HPN: variants seen among roughly 807,000 people sequenced by gnomAD.
HPN encodes serine protease hepsin.
Under a neutral mutation model 55.9 loss-of-function variants are expected in HPN, and 13 were observed. The ratio of observed to expected loss-of-function variants is 0.23; its 90% CI spans 0.15 to 0.37. The LOEUF is 0.37. Ranked by LOEUF, HPN falls within the 10% of genes least tolerant of loss-of-function variation. HPN has a pLI of 1.00. For missense variants in HPN, 451 were observed against 575.8 expected (o/e 0.78, Z 2.22); for synonymous variants, 225 against 240.3 (o/e 0.94, Z 0.59).
In HPN at chr19:35,065,854, C is replaced by G. The variant is rs1444379459; in HGVS notation, c.1051-14C>G. Reference sequence around the variant, plus strand: ...CACTTTGGCCTTCAGCCAGACCTCCCTCTCCCCTCCCAGGGCGACAGCGGT... The same window carrying G: ...CACTTTGGCCTTCAGCCAGACCTCCGTCTCCCCTCCCAGGGCGACAGCGGT... On this transcript the variant is annotated splice_polypyrimidine_tract_variant and intron_variant, in intron 11 of 12. Transcript: ENST00000672452. 11 of 1,613,546 alleles carry G rather than the reference C, an allele frequency of 6.8e-6. No individual in the cohort carries two copies. Among genetic ancestry groups the G allele is most frequent in the Admixed American group, 5.0e-5 (3 of 60,024 alleles).
chr19:35,047,123 C>T (rs2064349943), intron 2 of HPN, among the ~76,000 whole-genome samples: 1 of 152,340 alleles, frequency 6.6e-6, no homozygotes, highest in South Asian at 2.1e-4. Context: ...CCACCGAGCC[C>T]GGCTAGGAGT....
intron 9 of HPN, among the ~76,000 whole-genome samples, chr19:35,064,866 G>C (rs1164456091): frequency 1.3e-5 from 2 of 152,050 alleles, no homozygotes; most frequent in Non-Finnish European, 2.9e-5. Flanking sequence ...CTGTCGCCCA[G>C]GCTGGAGTGC....
rs1217610908 is a variant in HPN at position 35,060,640 on chromosome 19, C to G, written c.634C>G (p.Leu212Val). The G allele has an allele frequency of 6.2e-6, 10 of 1,614,010 alleles. No individual in the cohort carries two copies. Among genetic ancestry groups the G allele is most frequent in the Non-Finnish European group, 7.6e-6 (9 of 1,180,050 alleles). Residue 212 changes from leucine to valine, a missense_variant, in exon 9 of 13, where the codon CTG (leucine) becomes GTG (valine). Physicochemically the swap from Leu to Val is conservative, Grantham distance 32. This residue lies in a region of HPN where 378 missense variants were observed against 445.5 expected (regional missense o/e 0.85). Transcript: ENST00000672452. ...AHCFPERNRV[L>V]SRWRVFAGAV... Reference sequence around the variant, plus strand: ...TTTCCCTGGTAGGCGGAACCGGGTCCTGTCCCGATGGCGAGTGTTTGCCGG... The same window carrying G: ...TTTCCCTGGTAGGCGGAACCGGGTCGTGTCCCGATGGCGAGTGTTTGCCGG...
chr19:35,045,109 T>C (rs1488494133), intron 2 of HPN, among the ~76,000 whole-genome samples: 1 of 151,766 alleles, frequency 6.6e-6, no homozygotes, highest in Non-Finnish European at 1.5e-5. Context: ...CAGGGAAAGG[T>C]ATTTAAAAGG....
intron 1 of HPN, 183 bp from the exon 2 acceptor site, chr19:35,042,270 C>T (rs1468205858): frequency 1.2e-5 from 17 of 1,360,132 alleles, no homozygotes; most frequent in East Asian, 6.1e-5. Context: ...GGCGTCCCCC[C>T]GCTGCTGGTC....
chr19:35,044,301 A>G (rs2064320963), intron 2 of HPN, among the ~76,000 whole-genome samples: 1 of 152,030 alleles, frequency 6.6e-6, no homozygotes, highest in Non-Finnish European at 1.5e-5. Flanking sequence ...AGGAGGTGAT[A>G]CTGGAGTTGC....
At position 35,066,330 on chromosome 19, in the gene HPN, C is replaced by G; in HGVS notation, c.*43C>G. 1.3e-6 allele frequency: 2 copies of G among 1,591,656 alleles called. No individual in the cohort carries two copies. Among genetic ancestry groups the G allele is most frequent in the South Asian group, 1.1e-5 (1 of 88,336 alleles). ...CGCAGCCTCCAGGGCCCGAGGTGAT[C>G]CCGGTGGTGGGATCCACGCTGGGCC... On this transcript the variant is annotated 3_prime_UTR_variant, in exon 13 of 13. Coordinates refer to ENST00000672452, the MANE Select transcript of HPN (RefSeq NM_001384133.1).
At chr19:35,048,465 GA>G (rs914329376) in intron 2 of HPN, among the ~76,000 whole-genome samples, 3 of 152,204 alleles carry the variant, frequency 2.0e-5, no homozygotes, top group African/African-American at 7.2e-5. Context: ...TCTTCTTCTT[GA>G]AAATAACTTT....
At chr19:35,042,777 G>A (rs546965123) in intron 2 of HPN, among the ~76,000 whole-genome samples, 1 of 152,284 alleles carries the variant, frequency 6.6e-6, no homozygotes, top group South Asian at 2.1e-4. Context: ...ATCCCCCAGT[G>A]ATTTCTCAGC....
intron 4 of HPN, 94 bp from the exon 5 acceptor site, chr19:35,059,579 G>A (rs1175746721): frequency 6.7e-7 from 1 of 1,487,594 alleles, no homozygotes; most frequent in South Asian, 1.2e-5. Flanking sequence ...ACACCACATG[G>A]CTGGAGCACA....
intron 4 of HPN, among the ~76,000 whole-genome samples, chr19:35,051,512 GC>G (rs2064405166): frequency 6.6e-6 from 1 of 152,150 alleles, no homozygotes; most frequent in Non-Finnish European, 1.5e-5. Context: ...CTCCCAAAGT[GC>G]AGGGATTACA....
chr19:35,059,678 G>T lies in HPN; in HGVS notation c.166G>T (p.Val56Phe), dbSNP rs1483566944. Residue 56 changes from valine to phenylalanine, a missense_variant, in exon 5 of 13, where the codon GTC becomes TTC. By Grantham distance (50) the Val-to-Phe change is conservative (BLOSUM62 -1). Transcript: ENST00000672452. ...CGGGCCCTGTCGCCCTGCAGTGCAG[G>T]TCAGCTCTGCGGACGCTCGGCTCAT... ...SDQEPLYPVQ[V>F]SSADARLMVF... 1 of 1,597,154 alleles carries T rather than the reference G, an allele frequency of 6.3e-7. No homozygotes were observed. Among genetic ancestry groups the T allele is most frequent in the South Asian group, 1.1e-5 (1 of 88,288 alleles).
intron 4 of HPN, among the ~76,000 whole-genome samples, chr19:35,051,602 A>G (rs148236402): frequency 8.6e-4 from 130 of 151,810 alleles, no homozygotes; most frequent in African/African-American, 3.1e-3. Context: ...CAGGTCATGG[A>G]GCTAGTCAGT....
intron 2 of HPN, among the ~76,000 whole-genome samples, chr19:35,048,457 T>C (rs1331793055): frequency 6.6e-6 from 1 of 152,266 alleles, no homozygotes; most frequent in Non-Finnish European, 1.5e-5. Flanking sequence ...GCTATTCTTC[T>C]TCTTCTTGAA....
At chr19:35,065,115 C>A in intron 9 of HPN, 135 bp from the exon 10 acceptor site, 1 of 601,494 alleles carries the variant, frequency 1.7e-6, no homozygotes, top group East Asian at 2.8e-5. Flanking sequence ...AGCCACTGTG[C>A]CCAGCCTATT....
In HPN at chr19:35,050,478, G is replaced by T. The variant is rs1033197090; in HGVS notation, c.160+962G>T. On this transcript the variant is annotated intron_variant, in intron 4 of 12. Transcript: ENST00000672452. ...AAATGAGGACCAGAGAGGACATGCA[G>T]CTGGGGAACGAGGGGCCAGGAACAG... 14 of 1,287,882 alleles carry T rather than the reference G, an allele frequency of 1.1e-5. No individual in the cohort carries two copies. In the Admixed American group the frequency reaches 3.0e-4, roughly 27 times the overall value. The allele number at this position is 1,287,882 out of a possible 1,614,324, so 79.8% of individuals were successfully genotyped here.
intron 6 of HPN, 49 bp downstream of exon 6, chr19:35,060,045 A>G: frequency 6.2e-7 from 1 of 1,612,014 alleles, no homozygotes; most frequent in Non-Finnish European, 8.5e-7. Context: ...CCCCCAAGGC[A>G]CTCCCTCTCC....
At chr19:35,053,479 G>A (rs1037818334) in intron 4 of HPN, among the ~76,000 whole-genome samples, 31 of 150,902 alleles carry the variant, frequency 2.1e-4, no homozygotes, top group African/African-American at 7.5e-4. Flanking sequence ...AGGCCGGTGC[G>A]GTGGCTCACG....
At position 35,060,619 on chromosome 19, in the gene HPN, C is replaced by T; in HGVS notation, c.621-8C>T. ...CAGGTGGCCACCCTCCACCCCTTTC[C>T]CTGGTAGGCGGAACCGGGTCCTGTC... On this transcript the variant is annotated splice_polypyrimidine_tract_variant and splice_region_variant and intron_variant, in intron 8 of 12. Coordinates refer to ENST00000672452, the MANE Select transcript of HPN (RefSeq NM_001384133.1). 1 of 1,613,610 alleles carries T rather than the reference C, an allele frequency of 6.2e-7. No homozygotes were observed. The highest frequency in any genetic ancestry group is 1.1e-5 in the South Asian group (1 of 91,078).
Sources: allele counts gnomAD v4.1 joint callset (sites outside exome capture counted in the v4.1 genomes callset), GRCh38; gene constraint gnomAD v4.1.1; regional missense constraint gnomAD v4.1.1; transcripts MANE v1.5; gene names NCBI Gene and HGNC (gene_info 2026-07-23, HGNC 2026-07-21).